Variants in CCAR1 observed in about 807,000 individuals in gnomAD.
CCAR1 encodes cell division cycle and apoptosis regulator 1.
In CCAR1, 78 loss-of-function variants were observed where a neutral mutation model predicts 163.8. That is an observed-to-expected ratio of 0.48 (90% CI 0.40 to 0.57). The LOEUF (loss-of-function observed/expected upper bound fraction) is 0.57, where lower values mean the gene tolerates loss of function less well. Among genes scored for constraint, CCAR1 ranks in the 20% least tolerant of loss-of-function variants. The pLI is 0.00. For synonymous variants in CCAR1, 443 were observed against 460.7 expected (o/e 0.96, Z 0.49); for missense variants, 1,019 against 1,365.2 (o/e 0.75, Z 4.00).
intron 6 of CCAR1, among the ~76,000 whole-genome samples, chr10:68,743,055 C>T (rs2056203274): frequency 6.6e-6 from 1 of 152,014 alleles, no homozygotes; most frequent in Non-Finnish European, 1.5e-5. Flanking sequence ...GCCTCAGCCT[C>T]CCGAGTAGCT....
intron 19 of CCAR1, among the ~76,000 whole-genome samples, chr10:68,778,868 T>C (rs1038374433): frequency 6.6e-6 from 1 of 152,240 alleles, no homozygotes; most frequent in Non-Finnish European, 1.5e-5. Flanking sequence ...TGTTTGTTTT[T>C]TGAGACGGAG....
chr10:68,734,653 A>G (rs2056083839), intron 2 of CCAR1, among the ~76,000 whole-genome samples: 1 of 152,100 alleles, frequency 6.6e-6, no homozygotes, highest in African/African-American at 2.4e-5. Context: ...ATTCAACTGA[A>G]TTACTTAACG....
rs869159556 is a variant in CCAR1, at chr10:68,758,689, A to AT, written c.1920+1323dup. Among the ~76,000 whole-genome samples, 9 of 13,404 alleles carry AT rather than the reference A, an allele frequency of 6.7e-4. No individual in the cohort carries two copies. In the Middle Eastern group the frequency reaches 0.075, roughly 112 times the overall value. The allele number at this position is 13,404 out of a possible 152,430, so 8.8% of individuals were successfully genotyped here. On this transcript the variant is annotated intron_variant, in intron 15 of 24. Coordinates refer to ENST00000265872, the MANE Select transcript of CCAR1 (RefSeq NM_018237.4). Reference sequence around the variant, plus strand: ...TATATATACACACGTGTATATATATATTTTTTTTTTTGAGACAGAGTCTTG... The same window carrying AT: ...TATATATACACACGTGTATATATATATTTTTTTTTTTTGAGACAGAGTCTTG...
At chr10:68,724,554 T>C (rs992875935) in intron 2 of CCAR1, among the ~76,000 whole-genome samples, 5 of 152,030 alleles carry the variant, frequency 3.3e-5, no homozygotes, top group African/African-American at 1.2e-4. Flanking sequence ...CCTCCTAAAG[T>C]GCTGGGATTA....
chr10:68,747,049 T>G, intron 6 of CCAR1, 112 bp from the exon 7 acceptor site: 3 of 592,000 alleles, frequency 5.1e-6, no homozygotes, highest in Non-Finnish European at 5.8e-6. Context: ...TACTGTTTAT[T>G]TTTTTTTGAG....
chr10:68,788,199 G>A lies in CCAR1; in HGVS notation c.3058G>A (p.Glu1020Lys). 6.3e-7 allele frequency: 1 copy of A among 1,596,448 alleles called. No homozygotes were observed. Among genetic ancestry groups the A allele is most frequent in the Non-Finnish European group, 8.5e-7 (1 of 1,174,006 alleles). The change falls in exon 23 of 25, where the codon GAA (glutamate) becomes AAA (lysine). Residue 1020 changes from glutamate to lysine, a missense_variant. By Grantham distance (56) the Glu-to-Lys change is moderately conservative. Coordinates refer to ENST00000265872, the MANE Select transcript of CCAR1 (RefSeq NM_018237.4). Reference sequence around the variant, plus strand: ...AAAGCAGGAATCAAAGGATGTGGAAGAAAATGTTGGCCTCATTGTGTACAA... The same window carrying A: ...AAAGCAGGAATCAAAGGATGTGGAAAAAAATGTTGGCCTCATTGTGTACAA... The part of the protein sequence containing the change: ...TVKQESKDVE[E>K]NVGLIVYNGA...
chr10:68,738,182 A>G (rs2056136794), intron 4 of CCAR1, among the ~76,000 whole-genome samples: 1 of 152,170 alleles, frequency 6.6e-6, no homozygotes. Context: ...TGGGAAGCCG[A>G]GGCGGGCGGA....
At chr10:68,772,441 C>T (rs1305271541) in intron 18 of CCAR1, among the ~76,000 whole-genome samples, 1 of 151,724 alleles carries the variant, frequency 6.6e-6, no homozygotes, top group Non-Finnish European at 1.5e-5. Flanking sequence ...CCAGATTGTG[C>T]CACTGCACTC....
chr10:68,774,957 G>A, intron 19 of CCAR1: 1 of 382,796 alleles, frequency 2.6e-6, no homozygotes. Context: ...TACAGTTTGT[G>A]TCTCTGGCAA....
At chr10:68,762,572 G>C (rs1438884024) in intron 16 of CCAR1, among the ~76,000 whole-genome samples, 1 of 152,070 alleles carries the variant, frequency 6.6e-6, no homozygotes, top group Non-Finnish European at 1.5e-5. Flanking sequence ...GAAATATAGG[G>C]ATATCAGAAG....
intron 2 of CCAR1, among the ~76,000 whole-genome samples, chr10:68,726,556 C>CT (rs2055950231): frequency 6.6e-6 from 1 of 152,100 alleles, no homozygotes; most frequent in African/African-American, 2.4e-5. Flanking sequence ...TGGTGATACT[C>CT]TATCTTTAGT....
intron 24 of CCAR1, among the ~76,000 whole-genome samples, chr10:68,790,613 C>G (rs1195949557): frequency 6.6e-6 from 1 of 152,030 alleles, no homozygotes; most frequent in Non-Finnish European, 1.5e-5. Flanking sequence ...ACTGCAGCCT[C>G]TGCCTCCTAG....
At chr10:68,742,354 T>G in intron 5 of CCAR1, 22 bp from the exon 6 acceptor site, 1 of 1,558,254 alleles carries the variant, frequency 6.4e-7, no homozygotes, top group Non-Finnish European at 8.7e-7. Flanking sequence ...TACCTTAATT[T>G]GATGTTGATT....
At chr10:68,727,553 A>G (rs986638302) in intron 2 of CCAR1, among the ~76,000 whole-genome samples, 1 of 152,176 alleles carries the variant, frequency 6.6e-6, no homozygotes, top group African/African-American at 2.4e-5. Context: ...TTCAGATTCT[A>G]GGATGGTATT....
At chr10:68,768,659 T>C (rs1467403637) in intron 17 of CCAR1, among the ~76,000 whole-genome samples, 1 of 152,068 alleles carries the variant, frequency 6.6e-6, no homozygotes, top group Non-Finnish European at 1.5e-5. Flanking sequence ...TAATTCCTAA[T>C]AGTGCCATCC....
intron 10 of CCAR1, among the ~76,000 whole-genome samples, chr10:68,751,719 C>T (rs1363746307): frequency 1.3e-5 from 2 of 151,438 alleles, no homozygotes; most frequent in South Asian, 2.1e-4. Context: ...AAAAAATTAG[C>T]TGGGCGTGGT....
intron 23 of CCAR1, 29 bp downstream of exon 23, chr10:68,788,357 CT>C (rs2056818294): frequency 6.8e-7 from 1 of 1,477,126 alleles, no homozygotes; most frequent in Non-Finnish European, 9.0e-7. Context: ...TATGTTAATA[CT>C]TTCAGCACCC....
At position 68,765,925 on chromosome 10, in the gene CCAR1, A is replaced by G; in HGVS notation, c.2144A>G (p.Gln715Arg). 1.2e-6 allele frequency: 2 copies of G among 1,613,798 alleles called. No homozygotes were observed. Among genetic ancestry groups the G allele is most frequent in the Non-Finnish European group, 1.7e-6 (2 of 1,179,922 alleles). ...ERKRQEEIER[Q>R]RRERRYILPD... Reference sequence around the variant, plus strand: ...AAACGTCAAGAGGAAATAGAACGCCAGCGTCGAGAAAGAAGATATATTTTG... The same window carrying G: ...AAACGTCAAGAGGAAATAGAACGCCGGCGTCGAGAAAGAAGATATATTTTG... Residue 715 changes from glutamine (Q) to arginine (R), a missense_variant, in exon 17 of 25, where the codon CAG (glutamine) becomes CGG (arginine). Around this residue, in one of 4 missense-constraint regions of CCAR1, gnomAD observed 644 missense variants for 904.4 expected, o/e 0.71. Transcript: ENST00000265872.
chr10:68,749,438 C>A, intron 9 of CCAR1, 86 bp from the exon 10 acceptor site: 1 of 1,258,390 alleles, frequency 7.9e-7, no homozygotes, highest in South Asian at 1.5e-5. Flanking sequence ...TGGATTCTTG[C>A]TTATATTACC....
Sources: gnomAD v4.1 joint callset for allele counts (sites outside exome capture counted in the v4.1 genomes callset) on GRCh38, gnomAD v4.1.1 for gene constraint, gnomAD v4.1.1 regional missense constraint, MANE v1.5 for transcripts, NCBI Gene and HGNC (gene_info 2026-07-23, HGNC 2026-07-21) for gene names.